The following ELMO1 variants were observed in gnomAD, a reference collection of about 807,000 sequenced individuals.
ELMO1 encodes engulfment and cell motility 1.
In ELMO1, 26 loss-of-function variants were observed where a neutral mutation model predicts 98.9. That is an observed-to-expected ratio of 0.26 (90% CI 0.19 to 0.36). ELMO1 has a LOEUF of 0.36. Ranked by LOEUF, ELMO1 falls within the 10% of genes least tolerant of loss-of-function variation. The pLI is 1.00. For synonymous variants in ELMO1, 346 were observed against 346.0 expected, an observed-to-expected ratio of 1.00 and a Z score of 0.00; for missense variants, 627 against 935.2, an observed-to-expected ratio of 0.67 and a Z score of 4.30.
At chr7:36,969,576 C>A (rs1019447145) in intron 16 of ELMO1, among the ~76,000 whole-genome samples, 2 of 152,112 alleles carry the variant, frequency 1.3e-5, no homozygotes, top group African/African-American at 2.4e-5. Flanking sequence ...TGGTGCACAT[C>A]AGAATTGATT....
chr7:36,936,809 CA>C (rs1786572540), intron 16 of ELMO1, among the ~76,000 whole-genome samples: 1 of 152,020 alleles, frequency 6.6e-6, no homozygotes, highest in Non-Finnish European at 1.5e-5. Flanking sequence ...CAAATGAAAG[CA>C]TATGAAAAGC....
chr7:36,887,493 TGTGA>T (rs1805129874), intron 18 of ELMO1, 63 bp downstream of exon 18: 3 of 1,443,376 alleles, frequency 2.1e-6, no homozygotes, highest in Non-Finnish European at 2.9e-6. Flanking sequence ...ACCATGCCCT[TGTGA>T]TTCTCCAGGG....
intron 13 of ELMO1, among the ~76,000 whole-genome samples, chr7:37,157,490 T>C (rs1046552712): frequency 2.0e-5 from 3 of 152,172 alleles, no homozygotes; most frequent in Middle Eastern, 3.2e-3. Context: ...AAAATCAATG[T>C]GCAAAAATCA....
chr7:37,158,383 G>A (rs948315613), intron 13 of ELMO1, among the ~76,000 whole-genome samples: 1 of 152,060 alleles, frequency 6.6e-6, no homozygotes, highest in African/African-American at 2.4e-5. Context: ...CTACAGAATG[G>A]GAGAAAAATT....
At chr7:37,133,648 C>T (rs908902821) in intron 13 of ELMO1, among the ~76,000 whole-genome samples, 2 of 152,192 alleles carry the variant, frequency 1.3e-5, no homozygotes, top group Non-Finnish European at 1.5e-5. Context: ...GAAACCACGA[C>T]CTACCCACAC....
intron 11 of ELMO1, among the ~76,000 whole-genome samples, chr7:37,214,820 G>A (rs1195722680): frequency 1.3e-5 from 2 of 152,194 alleles, no homozygotes; most frequent in African/African-American, 4.8e-5. Flanking sequence ...TTGCAGGAGA[G>A]TACCAACCTC....
At chr7:37,367,907 G>A (rs76050072) in intron 1 of ELMO1, among the ~76,000 whole-genome samples, 12,283 of 152,122 alleles carry the variant, frequency 0.081, 627 homozygotes, top group Middle Eastern at 0.12. Flanking sequence ...GGCAGACATC[G>A]AAAACAATCA....
chr7:37,286,928 C>T (rs1020910180), intron 4 of ELMO1, among the ~76,000 whole-genome samples: 11 of 152,198 alleles, frequency 7.2e-5, no homozygotes, highest in African/African-American at 2.4e-4. Context: ...GGCACAGTGG[C>T]TCATGCCTCT....
chr7:37,084,943 A>C (rs1783682547), intron 15 of ELMO1, among the ~76,000 whole-genome samples: 1 of 151,946 alleles, frequency 6.6e-6, no homozygotes, highest in African/African-American at 2.4e-5. Flanking sequence ...TTTAGTAGAG[A>C]CGAGGGTTTC....
At chr7:36,931,342 G>A (rs1479874041) in intron 16 of ELMO1, among the ~76,000 whole-genome samples, 1 of 152,200 alleles carries the variant, frequency 6.6e-6, no homozygotes, top group Non-Finnish European at 1.5e-5. Context: ...GCTCACGCCT[G>A]TAATCCCAGC....
At chr7:37,387,222 G>C (rs543755184) in intron 1 of ELMO1, among the ~76,000 whole-genome samples, 1 of 152,206 alleles carries the variant, frequency 6.6e-6, no homozygotes, top group Non-Finnish European at 1.5e-5. Flanking sequence ...AGTGCCAATG[G>C]ATTAGTTCCG....
At chr7:37,446,599 T>A (rs1319435587) in intron 1 of ELMO1, among the ~76,000 whole-genome samples, 15 of 152,168 alleles carry the variant, frequency 9.9e-5, no homozygotes, top group Admixed American at 9.8e-4. Flanking sequence ...TGAGGGTGCC[T>A]GCAGTTACCA....
chr7:36,938,062 C>A (rs1007065708), intron 16 of ELMO1, among the ~76,000 whole-genome samples: 2 of 152,206 alleles, frequency 1.3e-5, no homozygotes, highest in African/African-American at 4.8e-5. Flanking sequence ...GAAACATCCT[C>A]CATCCTTTTT....
chr7:37,356,799 A>C, intron 1 of ELMO1, among the ~76,000 whole-genome samples: 1 of 152,120 alleles, frequency 6.6e-6, no homozygotes, highest in East Asian at 1.9e-4. Flanking sequence ...AATGGATAGG[A>C]AGACAAATTC....
intron 1 of ELMO1, among the ~76,000 whole-genome samples, chr7:37,349,642 T>TG (rs1178471695): frequency 6.6e-6 from 1 of 152,054 alleles, no homozygotes; most frequent in Non-Finnish European, 1.5e-5. Flanking sequence ...TTAGTAGAGA[T>TG]GGGGTTTCAC....
chr7:36,901,568 A>G (rs1287781434), intron 16 of ELMO1, among the ~76,000 whole-genome samples: 1 of 152,252 alleles, frequency 6.6e-6, no homozygotes, highest in Non-Finnish European at 1.5e-5. Flanking sequence ...GTAGCTTGCC[A>G]ATGCCTAGTG....
intron 4 of ELMO1, among the ~76,000 whole-genome samples, chr7:37,284,315 C>A (rs1199336892): frequency 6.6e-6 from 1 of 152,200 alleles, no homozygotes; most frequent in African/African-American, 2.4e-5. Flanking sequence ...GAAACATTTA[C>A]AGCTTTTGAG....
rs1195609939 is a variant in ELMO1 at position 37,342,120 on chromosome 7, AATTAC to A, written c.78+488_78+492del. Among the ~76,000 whole-genome samples, 2 of 152,218 alleles carry A rather than the reference AATTAC, an allele frequency of 1.3e-5. No individual in the cohort carries two copies. The highest frequency in any genetic ancestry group is 4.8e-5 in the African/African-American group (2 of 41,458). On this transcript the variant is annotated intron_variant, in intron 2 of 21. Transcript: ENST00000310758. The surrounding 1 kb of genome is among the most constrained non-coding windows in gnomAD (Gnocchi z 4.3). Reference sequence around the variant, plus strand: ...TTGTGAATTTTACACTAAAAATAAAAATTACAATTGGCTGAAATCCAAGACTGAAC... The same window carrying A: ...TTGTGAATTTTACACTAAAAATAAAAAATTGGCTGAAATCCAAGACTGAAC...
rs185668971 is a variant in ELMO1, at chr7:37,361,455, C to T, written c.-73-18692G>A. Reference sequence around the variant, plus strand: ...AGTTTTATTGGAACAAAGCTACACCCATTCAGTACACATTTCATACTACCA... The same window carrying T: ...AGTTTTATTGGAACAAAGCTACACCTATTCAGTACACATTTCATACTACCA... On this transcript the variant is annotated intron_variant, in intron 1 of 21. Coordinates refer to ENST00000310758, the MANE Select transcript of ELMO1 (RefSeq NM_014800.11). Among the ~76,000 whole-genome samples the T allele has an allele frequency of 2.6e-5, 4 of 152,356 alleles. No individual in the cohort carries two copies. The East Asian group carries it at 7.7e-4, about 29-fold the overall frequency.
Sources: gnomAD v4.1 joint callset for allele counts (sites outside exome capture counted in the v4.1 genomes callset) on GRCh38, gnomAD v4.1.1 for gene constraint, Gnocchi (gnomAD v3.1) non-coding constraint, MANE v1.5 for transcripts, NCBI Gene and HGNC (gene_info 2026-07-23, HGNC 2026-07-21) for gene names.